The following POU4F1 variants were observed in gnomAD, a reference collection of about 807,000 sequenced individuals.
POU4F1 encodes POU class 4 homeobox 1, also known as POU domain, class 4, transcription factor 1.
POU4F1 carries 5 observed loss-of-function variants against 19.8 expected under a neutral mutation model. The observed-to-expected ratio is 0.25, with a 90% CI of 0.13 to 0.53. The LOEUF is 0.53. POU4F1 is among the 20% of genes least tolerant of loss of function. The pLI is 0.96. For missense variants in POU4F1, 408 were observed against 511.6 expected, an observed-to-expected ratio of 0.80 and a Z score of 1.95; for synonymous variants, 266 against 247.7, an observed-to-expected ratio of 1.07 and a Z score of -0.69.
Position 78,603,454 on chromosome 13 carries a change from C to G in POU4F1, c.-128G>C, listed in dbSNP as rs1874795419. 1 of 1,297,648 alleles carries G rather than the reference C, an allele frequency of 7.7e-7. No homozygotes were observed. The highest frequency in any genetic ancestry group is 9.8e-7 in the Non-Finnish European group (1 of 1,020,884). 80.4% of individuals were successfully genotyped at this position (1,297,648 alleles called of 1,614,324 possible). ...TCGCGGCGGCTGGCGGCGGCCCCGC[C>G]GCGGGCTGCTGCTGCTGCTCCTGCT... On this transcript the variant is annotated 5_prime_UTR_variant, in exon 1 of 2. Transcript: ENST00000377208.
chr13:78,602,942 C>G (rs1306740031), intron 1 of POU4F1, among the ~76,000 whole-genome samples: 2 of 152,212 alleles, frequency 1.3e-5, no homozygotes, highest in African/African-American at 2.4e-5. Flanking sequence ...GTGAAATTAA[C>G]AGAGAAAGTA....
chr13:78,601,847 C>T lies in POU4F1; in HGVS notation c.828G>A (p.Lys276=). Residue 276 remains lysine, a synonymous_variant, in exon 2 of 2, where the codon AAG becomes AAA. Transcript: ENST00000377208. ...TCACGCCCAGCTTGATGCGCCGCTGCTTGAAGCGCTCCGCGAACGCCTCGA... is the reference window on the plus strand; with the variant it reads ...TCACGCCCAGCTTGATGCGCCGCTGTTTGAAGCGCTCCGCGAACGCCTCGA... ...RELEAFAERF[K]QRRIKLGVTQ... 6.2e-7 allele frequency: 1 copy of T among 1,605,588 alleles called. No homozygotes were observed.
chr13:78,600,829 G>A lies in POU4F1; in HGVS notation c.*586C>T, dbSNP rs1182041610. On this transcript the variant is annotated 3_prime_UTR_variant, in exon 2 of 2. Coordinates refer to ENST00000377208, the MANE Select transcript of POU4F1 (RefSeq NM_006237.4). ...CAGTTCGTGCGTGTAGGGTTGGGGA[G>A]GTGGTAATAATGGTGGTGCTCTTTT... 6.5e-6 allele frequency: 1 copy of A among 154,456 alleles called. No homozygotes were observed. The highest frequency in any genetic ancestry group is 1.4e-5 in the Non-Finnish European group (1 of 69,432). 9.6% of individuals were successfully genotyped at this position (154,456 alleles called of 1,614,324 possible). A position where few individuals can be genotyped will look rare whatever the true frequency, so the allele number is the denominator to read the frequency against.
intron 1 of POU4F1, 146 bp from the exon 2 acceptor site, chr13:78,602,697 G>T: frequency 1.1e-6 from 1 of 923,412 alleles, no homozygotes; most frequent in Non-Finnish European, 1.4e-6. Flanking sequence ...TTTGGGGGCA[G>T]TGGAGAGCGG....
In POU4F1 at chr13:78,599,486, G is replaced by C. The variant is rs1017734287; in HGVS notation, c.*1929C>G. The stretch of plus-strand genomic sequence containing the variant: ...ATGTTTTCAGTGGAAACAGGCAGTA[G>C]ACTGTGAAATCGCACTAGCCACAAA... On this transcript the variant is annotated 3_prime_UTR_variant, in exon 2 of 2. Transcript: ENST00000377208. 6.6e-6 allele frequency: 1 copy of C among 152,564 alleles called. No individual in the cohort carries two copies. The highest frequency in any genetic ancestry group is 2.4e-5 in the African/African-American group (1 of 41,444). The allele number at this position is 152,564 out of a possible 1,614,324, so 9.5% of individuals were successfully genotyped here. A position where few individuals can be genotyped will look rare whatever the true frequency, so the allele number is the denominator to read the frequency against.
rs994760349 is a variant in POU4F1 at position 78,603,510 on chromosome 13, GCGCC to G, written c.-188_-185del. ...CAGGCGCTCCCTCTGACCGCGCAGA[GCGCC>G]GCGCGCCGGCCTCGCGGTCCCGCTT... On this transcript the variant is annotated 5_prime_UTR_variant, in exon 1 of 2. Coordinates refer to ENST00000377208, the MANE Select transcript of POU4F1 (RefSeq NM_006237.4). 6.2e-6 allele frequency: 6 copies of G among 970,874 alleles called. No individual in the cohort carries two copies. Among genetic ancestry groups the G allele is most frequent in the Non-Finnish European group, 7.8e-6 (6 of 772,216 alleles). 60.1% of individuals were successfully genotyped at this position (970,874 alleles called of 1,614,324 possible).
rs2137403454 is a variant in POU4F1, at chr13:78,602,073, T to C, written c.602A>G (p.His201Arg). The stretch of plus-strand genomic sequence containing the variant: ...GTTCATGGCGGCCGCCGCCGCGGGG[T>C]GCGACAGGTGGCCCAGGCTGTGCAT... Reference protein sequence around the residue: ...PHMHSLGHLSHPAAAAAMNMP... With the variant: ...PHMHSLGHLSRPAAAAAMNMP... The change falls in exon 2 of 2, where the codon CAC becomes CGC. Residue 201 changes from histidine (H) to arginine (R), a missense_variant. Around this residue, in one of 4 missense-constraint regions of POU4F1, gnomAD observed 294 missense variants for 288.2 expected, o/e 1.02. Transcript: ENST00000377208. 1 of 337,012 alleles carries C rather than the reference T, an allele frequency of 3.0e-6. No individual in the cohort carries two copies. Among genetic ancestry groups the C allele is most frequent in the Non-Finnish European group, 4.1e-6 (1 of 241,570 alleles). The allele number at this position is 337,012 out of a possible 1,614,324, so 20.9% of individuals were successfully genotyped here.
chr13:78,602,230 C>A lies in POU4F1; in HGVS notation c.445G>T (p.Gly149Cys), dbSNP rs1054684368. ...GGGGAHDGPG[G>C]GGGPGGGGGP... ...CCGCCGCCGCCCGGGCCGCCACCGC[C>A]CCCCGGGCCGTCGTGGGCGCCGCCG... Residue 149 changes from glycine (G) to cysteine (C), a missense_variant, in exon 2 of 2, where the codon GGC (glycine) becomes TGC (cysteine). This residue lies in a region of POU4F1 where 294 missense variants were observed against 288.2 expected (regional missense o/e 1.02). Coordinates refer to ENST00000377208, the MANE Select transcript of POU4F1 (RefSeq NM_006237.4). The A allele has an allele frequency of 2.6e-5, 25 of 953,704 alleles. No individual in the cohort carries two copies. The highest frequency in any genetic ancestry group is 3.1e-5 in the Non-Finnish European group (25 of 804,738). 59.1% of individuals were successfully genotyped at this position (953,704 alleles called of 1,614,324 possible).
Position 78,602,413 on chromosome 13 carries a change from C to T in POU4F1, c.262G>A (p.Val88Met). ...PDATYHTMNS[V>M]PCTSTSTVPL... ...ACCGTGGAAGTGGACGTGCACGGCA[C>T]GCTGTTCATCGTGTGGTACGTGGCG... The change falls in exon 2 of 2, where the codon GTG becomes ATG. Residue 88 changes from valine (V) to methionine (M), a missense_variant. This residue lies in a region of POU4F1 where 294 missense variants were observed against 288.2 expected (regional missense o/e 1.02). Transcript: ENST00000377208. 1 of 1,576,172 alleles carries T rather than the reference C, an allele frequency of 6.3e-7. No individual in the cohort carries two copies. The highest frequency in any genetic ancestry group is 8.6e-7 in the Non-Finnish European group (1 of 1,162,912).
At position 78,601,503 on chromosome 13, in the gene POU4F1, T is replaced by C; in HGVS notation, c.1172A>G (p.Lys391Arg). Residue 391 changes from lysine (K) to arginine (R), a missense_variant, in exon 2 of 2, where the codon AAA (lysine) becomes AGA (arginine). Physicochemically the swap from Lys to Arg is conservative, Grantham distance 26 (BLOSUM62 2). This residue lies in a region of POU4F1 where 35 missense variants were observed against 85.9 expected (regional missense o/e 0.41). Coordinates refer to ENST00000377208, the MANE Select transcript of POU4F1 (RefSeq NM_006237.4). The stretch of plus-strand genomic sequence containing the variant: ...CACCACGTTCTTTTTGAGGTCCAGT[T>C]TCTCGGCGATGGCGGCGATCTTCTC... ...SSEKIAAIAE[K>R]LDLKKNVVRV... The C allele has an allele frequency of 1.9e-6, 3 of 1,613,922 alleles. No individual in the cohort carries two copies. Among genetic ancestry groups the C allele is most frequent in the Non-Finnish European group, 2.5e-6 (3 of 1,180,024 alleles).
chr13:78,602,310 G>A lies in POU4F1; in HGVS notation c.365C>T (p.Ser122Leu), dbSNP rs1379178401. 3.1e-6 allele frequency: 4 copies of A among 1,281,372 alleles called. No homozygotes were observed. Among genetic ancestry groups the A allele is most frequent in the Non-Finnish European group, 4.0e-6 (4 of 1,007,922 alleles). 79.4% of individuals were successfully genotyped at this position (1,281,372 alleles called of 1,614,324 possible). Residue 122 changes from serine to leucine, a missense_variant, in exon 2 of 2, where the codon TCG (serine) becomes TTG (leucine). By Grantham distance (145) the Ser-to-Leu change is moderately radical. Transcript: ENST00000377208. ...EPGDLLDHIS[S>L]PSLALMAGAG... ...GCCGGCCATGAGCGCGAGCGACGGC[G>A]AGGAGATGTGGTCCAGCAGATCGCC... is the stretch of plus-strand genomic sequence containing the variant.
chr13:78,601,976 C>CGCCGCT lies in POU4F1; in HGVS notation c.693_698dup (p.Ala236_Ala237dup), dbSNP rs1024870460. ...CTGCCACCTGCCCGGCCGCCGCCGC[C>CGCCGCT]GCCGCTGCCGCTGCCGCGCCGTGGT... On this transcript the variant is annotated inframe_insertion, in exon 2 of 2. Coordinates refer to ENST00000377208, the MANE Select transcript of POU4F1 (RefSeq NM_006237.4). 2.0e-5 allele frequency: 21 copies of CGCCGCT among 1,051,384 alleles called. No individual in the cohort carries two copies. The highest frequency in any genetic ancestry group is 4.2e-4 in the Middle Eastern group (1 of 2,362). 65.1% of individuals were successfully genotyped at this position (1,051,384 alleles called of 1,614,324 possible).
Position 78,601,859 on chromosome 13 carries a change from C to T in POU4F1, c.816G>A (p.Ala272=). ...TGATGCGCCGCTGCTTGAAGCGCTC[C>T]GCGAACGCCTCGAGCTCGCGCGGGT... The part of the protein sequence containing the change: ...DTDPRELEAF[A]ERFKQRRIKL... Residue 272 remains alanine (A), a synonymous_variant, in exon 2 of 2, where the codon GCG becomes GCA. Transcript: ENST00000377208. 6.3e-7 allele frequency: 1 copy of T among 1,599,736 alleles called. No homozygotes were observed. The highest frequency in any genetic ancestry group is 8.5e-7 in the Non-Finnish European group (1 of 1,176,806).
chr13:78,602,667 G>C, intron 1 of POU4F1, 116 bp from the exon 2 acceptor site: 1 of 1,164,400 alleles, frequency 8.6e-7, no homozygotes, highest in South Asian at 2.3e-5. Flanking sequence ...CAAACACAAA[G>C]CAACCAAAAT....
rs1040199170 is a variant in POU4F1 at position 78,598,567 on chromosome 13, G to C, written c.*2848C>G. 2 of 151,824 alleles carry C rather than the reference G, an allele frequency of 1.3e-5. No individual in the cohort carries two copies. The highest frequency in any genetic ancestry group is 4.8e-5 in the African/African-American group (2 of 41,304). The allele number at this position is 151,824 out of a possible 1,614,324, so 9.4% of individuals were successfully genotyped here. On this transcript the variant is annotated 3_prime_UTR_variant, in exon 2 of 2. Transcript: ENST00000377208. ...AGTGTTTTCCTTCACAGATTTGCCG[G>C]TGAAATTAAAAAGATTTGGCTAAAA... is the stretch of plus-strand genomic sequence containing the variant.
Position 78,601,328 on chromosome 13 carries a change from A to G in POU4F1, c.*87T>C, listed in dbSNP as rs1243449497. 2.0e-5 allele frequency: 32 copies of G among 1,573,664 alleles called. No individual in the cohort carries two copies. The highest frequency in any genetic ancestry group is 2.1e-5 in the Non-Finnish European group (24 of 1,163,486). On this transcript the variant is annotated 3_prime_UTR_variant, in exon 2 of 2. Coordinates refer to ENST00000377208, the MANE Select transcript of POU4F1 (RefSeq NM_006237.4). ...TGCAGGCAGGATAACGGACACTCCA[A>G]ATCCGAGGGGAGGCAAGCAGAGGAA...
chr13:78,602,286 C>T lies in POU4F1; in HGVS notation c.389G>A (p.Gly130Asp), dbSNP rs1473767398. 4 of 1,221,568 alleles carry T rather than the reference C, an allele frequency of 3.3e-6. No individual in the cohort carries two copies. Among genetic ancestry groups the T allele is most frequent in the African/African-American group, 3.1e-5 (2 of 63,666 alleles). The allele number at this position is 1,221,568 out of a possible 1,614,324, so 75.7% of individuals were successfully genotyped here. ...GGCCGCCGCGCCCGCGCCGCCCGCG[C>T]CGGCCATGAGCGCGAGCGACGGCGA... ...ISSPSLALMA[G>D]AGGAGAAAGG... is the part of the protein sequence containing the mutation. The change falls in exon 2 of 2, where the codon GGC becomes GAC. Residue 130 changes from glycine to aspartate, a missense_variant. Coordinates refer to ENST00000377208, the MANE Select transcript of POU4F1 (RefSeq NM_006237.4).
chr13:78,603,174 G>C (rs893858003), intron 1 of POU4F1, 30 bp downstream of exon 1: 3 of 1,350,928 alleles, frequency 2.2e-6, no homozygotes, highest in Non-Finnish European at 1.9e-6. Flanking sequence ...GCGGGCGCGC[G>C]GGCCGGGGCC....
At chr13:78,603,128 A>T in intron 1 of POU4F1, 76 bp downstream of exon 1, 1 of 1,184,594 alleles carries the variant, frequency 8.4e-7, no homozygotes, top group Non-Finnish European at 1.1e-6. Context: ...TGCACACACC[A>T]GCCCCCGACA....
Sources: allele counts gnomAD v4.1 joint callset (sites outside exome capture counted in the v4.1 genomes callset), GRCh38; gene constraint gnomAD v4.1.1; regional missense constraint gnomAD v4.1.1; transcripts MANE v1.5; gene names NCBI Gene and HGNC (gene_info 2026-07-23, HGNC 2026-07-21).